RASGRP3: variants seen among roughly 807,000 people sequenced by gnomAD.
The protein encoded by RASGRP3 is ras guanyl-releasing protein 3.
A neutral mutation model predicts 82.7 loss-of-function variants in RASGRP3; 54 were observed. The ratio of observed to expected loss-of-function variants is 0.65; its 90% CI spans 0.52 to 0.82. The LOEUF (loss-of-function observed/expected upper bound fraction) is 0.82, where lower values mean the gene tolerates loss of function less well. Among genes scored for constraint, RASGRP3 ranks in the 40% least tolerant of loss-of-function variants. The pLI is 0.00. For missense variants in RASGRP3, 861 were observed against 828.9 expected (o/e 1.04, Z -0.48); for synonymous variants, 309 against 300.5 (o/e 1.03, Z -0.29).
chr2:33,473,192 G>A (rs1271312203), upstream of RASGRP3, among the ~76,000 whole-genome samples: 2 of 152,078 alleles, frequency 1.3e-5, no homozygotes, highest in African/African-American at 4.8e-5. Context: ...GAAACCCCAT[G>A]TTACTACTAA....
chr2:33,449,381 T>C (rs1195835900), intron 2 of RASGRP3, among the ~76,000 whole-genome samples: 2 of 152,246 alleles, frequency 1.3e-5, no homozygotes, highest in South Asian at 2.1e-4. Context: ...CGTTATACTA[T>C]GTAGATAGCA....
At chr2:33,481,276 C>G (rs951551882) in intron 1 of RASGRP3, 1 of 152,232 alleles carries the variant, frequency 6.6e-6, no homozygotes, top group African/African-American at 2.4e-5. Context: ...ATTCTTCTGC[C>G]TCAGCCTCCC....
intron 1 of RASGRP3, chr2:33,481,061 G>C (rs1030270565): frequency 6.6e-6 from 1 of 152,218 alleles, no homozygotes; most frequent in Non-Finnish European, 1.5e-5. Flanking sequence ...TGAGTGACTT[G>C]TCTATGGTCA....
chr2:33,472,626 G>A (rs980755248), upstream of RASGRP3, among the ~76,000 whole-genome samples: 1 of 152,134 alleles, frequency 6.6e-6, no homozygotes, highest in Non-Finnish European at 1.5e-5. Flanking sequence ...GACGCCATGG[G>A]AGAGCTTTTC....
chr2:33,505,153 T>TCACCACCACCACCACCACCACCAC (rs10652330), intron 1 of RASGRP3, among the ~76,000 whole-genome samples: 6 of 150,046 alleles, frequency 4.0e-5, no homozygotes, highest in African/African-American at 1.5e-4. Context: ...ATCATCATCA[T>TCACCACCACCACCACCACCACCAC]CACCACCACC....
intron 1 of RASGRP3, among the ~76,000 whole-genome samples, chr2:33,499,403 A>G (rs1443478992): frequency 6.6e-6 from 1 of 152,104 alleles, no homozygotes; most frequent in African/African-American, 2.4e-5. Context: ...TACCAAAAAT[A>G]CAAAAATTAG....
chr2:33,460,595 A>T (rs2150897968), intron 2 of RASGRP3, among the ~76,000 whole-genome samples: 1 of 151,666 alleles, frequency 6.6e-6, no homozygotes, highest in East Asian at 1.9e-4. Context: ...GCTCACTGCA[A>T]CTTTCACCTC....
Position 33,561,094 on chromosome 2 carries a change from T to A in RASGRP3, c.2065-1635T>A, listed in dbSNP as rs144769070. On this transcript the variant is annotated intron_variant, in intron 17 of 17. Coordinates refer to ENST00000403687, the MANE Select transcript of RASGRP3 (RefSeq NM_001139488.2). ...TTTTTTTTTTTTCTTTGAGACGGAG[T>A]CTCACTCTGTCACCCAGGGTGGAGT... Among the ~76,000 whole-genome samples, 270 of 151,582 alleles carry A rather than the reference T, an allele frequency of 1.8e-3. 1 individual carries two copies. The highest frequency in any genetic ancestry group is 6.3e-3 in the African/African-American group (260 of 41,292).
At position 33,529,950 on chromosome 2, in the gene RASGRP3, C is replaced by T. The variant is rs1369398872; in HGVS notation, c.1083+2538C>T. ...AGTCACCAAACTTCCAGTCAAGATC[C>T]TTTCTCTGTCCCCACAGCCAAGAAG... On this transcript the variant is annotated intron_variant, in intron 10 of 17. Transcript: ENST00000403687. 2.6e-5 allele frequency among the ~76,000 whole-genome samples: 4 copies of T among 152,294 alleles called. 1 individual carries two copies. The East Asian group carries it at 7.7e-4, about 29-fold the overall frequency.
At chr2:33,495,176 A>T (rs1274812732) in intron 1 of RASGRP3, among the ~76,000 whole-genome samples, 3 of 152,192 alleles carry the variant, frequency 2.0e-5, no homozygotes, top group Non-Finnish European at 4.4e-5. Context: ...TAGGGCTTGT[A>T]AGTGCAGATG....
At chr2:33,449,064 G>A (rs537750284) in intron 2 of RASGRP3, among the ~76,000 whole-genome samples, 220 of 152,240 alleles carry the variant, frequency 1.4e-3, no homozygotes, top group African/African-American at 5.1e-3. Flanking sequence ...TGCATACCAG[G>A]TATAACATGA....
chr2:33,506,696 A>G (rs1306256523), intron 1 of RASGRP3, among the ~76,000 whole-genome samples: 3 of 152,228 alleles, frequency 2.0e-5, no homozygotes, highest in African/African-American at 7.2e-5. Flanking sequence ...CATCCAATGC[A>G]AGAAGGACAA....
chr2:33,495,551 C>T (rs1037681593), intron 1 of RASGRP3, among the ~76,000 whole-genome samples: 1 of 151,782 alleles, frequency 6.6e-6, no homozygotes, highest in Admixed American at 6.6e-5. Context: ...GTTTACAGGA[C>T]CAGGAAGATA....
At chr2:33,559,304 G>T (rs12478596) in intron 17 of RASGRP3, among the ~76,000 whole-genome samples, 2 of 152,224 alleles carry the variant, frequency 1.3e-5, no homozygotes, top group Admixed American at 1.3e-4. Context: ...GTACTGAAAT[G>T]ATGCCCCAGA....
At chr2:33,541,558 T>C (rs1674281385) in intron 12 of RASGRP3, among the ~76,000 whole-genome samples, 1 of 147,006 alleles carries the variant, frequency 6.8e-6, no homozygotes, top group Admixed American at 7.0e-5. Flanking sequence ...AGATGATCGA[T>C]TACAGTATTT....
chr2:33,521,973 G>GAGA lies in RASGRP3; in HGVS notation c.391_393dup (p.Arg131dup), dbSNP rs1357380105. 1 of 1,613,004 alleles carries GAGA rather than the reference G, an allele frequency of 6.2e-7. No individual in the cohort carries two copies. Among genetic ancestry groups the GAGA allele is most frequent in the South Asian group, 1.1e-5 (1 of 90,758 alleles). On this transcript the variant is annotated inframe_insertion, in exon 7 of 18. Coordinates refer to ENST00000403687, the MANE Select transcript of RASGRP3 (RefSeq NM_001139488.2). ...TTTATAGTCCTTCCTATGACTGGAT[G>GAGA]AGAAGAGTCACACAGAGGAAAAAAG...
In RASGRP3 at chr2:33,471,143, A is replaced by C. The variant is rs75358614; in HGVS notation, c.-261+23200A>C. Among the ~76,000 whole-genome samples the C allele has an allele frequency of 4.5e-3, 692 of 152,294 alleles. 4 individuals carry two copies. Among genetic ancestry groups the C allele is most frequent in the African/African-American group, 0.016 (657 of 41,542 alleles). On this transcript the variant is annotated intron_variant, in intron 2 of 18. Transcript: ENST00000402538. Reference sequence around the variant, plus strand: ...GTCTTTTAATTTTGTTTTATTAATTAAAAAATTGATATTGAATTTTATCAA... The same window carrying C: ...GTCTTTTAATTTTGTTTTATTAATTCAAAAATTGATATTGAATTTTATCAA...
At chr2:33,454,844 C>G (rs1362546824) in intron 2 of RASGRP3, among the ~76,000 whole-genome samples, 1 of 152,132 alleles carries the variant, frequency 6.6e-6, no homozygotes, top group Non-Finnish European at 1.5e-5. Context: ...ATATTTGCCA[C>G]AGAAAAAGGA....
At position 33,548,360 on chromosome 2, in the gene RASGRP3, C is replaced by CAA. The variant is rs775598057; in HGVS notation, c.1395-1222_1395-1221dup. On this transcript the variant is annotated intron_variant, in intron 13 of 17. Transcript: ENST00000403687. ...TAGGCTAAAGAGCGGGACTCCGTCT[C>CAA]AAAAAAAAAAAAAAAAAAAAAAAGA... is the stretch of plus-strand genomic sequence containing the variant. Among the ~76,000 whole-genome samples, 255 of 77,722 alleles carry CAA rather than the reference C, an allele frequency of 3.3e-3. 1 individual carries two copies. The highest frequency in any genetic ancestry group is 5.9e-3 in the South Asian group (11 of 1,856). 51.0% of individuals were successfully genotyped at this position (77,722 alleles called of 152,430 possible). A position where few individuals can be genotyped will look rare whatever the true frequency, so the allele number is the denominator to read the frequency against.
Sources: allele counts gnomAD v4.1 joint callset (sites outside exome capture counted in the v4.1 genomes callset), GRCh38; gene constraint gnomAD v4.1.1; transcripts MANE v1.5; gene names NCBI Gene and HGNC (gene_info 2026-07-23, HGNC 2026-07-21).